Variants in ADAMTSL3 observed in about 807,000 individuals in gnomAD.
The protein encoded by ADAMTSL3 is ADAMTS like 3.
A neutral mutation model predicts 201.7 loss-of-function variants in ADAMTSL3; 128 were observed. The ratio of observed to expected loss-of-function variants is 0.63; its 90% CI spans 0.55 to 0.73. The LOEUF (loss-of-function observed/expected upper bound fraction) is 0.73. Among genes scored for constraint, ADAMTSL3 ranks in the 30% least tolerant of loss-of-function variants. The pLI, the probability that ADAMTSL3 is intolerant of heterozygous loss-of-function variation, is 0.00. For missense variants in ADAMTSL3, 1,990 were observed against 2,119.6 expected (o/e 0.94, Z 1.20); for synonymous variants, 738 against 748.4 (o/e 0.99, Z 0.23).
At chr15:83,698,371 A>G (rs545356912) in intron 2 of ADAMTSL3, among the ~76,000 whole-genome samples, 1 of 152,220 alleles carries the variant, frequency 6.6e-6, no homozygotes, top group East Asian at 1.9e-4. Flanking sequence ...ACACAGCTGT[A>G]TCCCCACGTC....
In ADAMTSL3 at chr15:83,930,538, C is replaced by G. The variant is rs369257104; in HGVS notation, c.2117+6505C>G. 1.8e-4 allele frequency among the ~76,000 whole-genome samples: 27 copies of G among 152,316 alleles called. No homozygotes were observed. The East Asian group carries it at 4.8e-3, about 27-fold the overall frequency. On this transcript the variant is annotated intron_variant, in intron 17 of 29. Transcript: ENST00000286744. Reference sequence around the variant, plus strand: ...TCAGCCTGTGTACTGTATCCCCTTTCTCTCATCACTGTGCCTCAGCAAGAG... The same window carrying G: ...TCAGCCTGTGTACTGTATCCCCTTTGTCTCATCACTGTGCCTCAGCAAGAG...
At chr15:83,955,579 G>A (rs1480736674) in intron 19 of ADAMTSL3, among the ~76,000 whole-genome samples, 1 of 152,026 alleles carries the variant, frequency 6.6e-6, no homozygotes, top group East Asian at 1.9e-4. Flanking sequence ...CATACTACCT[G>A]GATATCACTT....
chr15:83,728,973 G>C (rs11635064), intron 3 of ADAMTSL3, among the ~76,000 whole-genome samples: 19,350 of 151,988 alleles, frequency 0.13, 1,591 homozygotes, highest in South Asian at 0.29. Flanking sequence ...TGTTTGTCTG[G>C]GAAAGTCCTT....
chr15:83,991,324 G>A (rs904801499), intron 23 of ADAMTSL3, 110 bp downstream of exon 23: 4 of 1,497,440 alleles, frequency 2.7e-6, no homozygotes, highest in Non-Finnish European at 2.7e-6. Context: ...ACCTCAGCCT[G>A]ATAGGCTTAA....
At chr15:83,866,946 C>G (rs1437367723) in intron 8 of ADAMTSL3, among the ~76,000 whole-genome samples, 1 of 152,146 alleles carries the variant, frequency 6.6e-6, no homozygotes, top group Non-Finnish European at 1.5e-5. Flanking sequence ...TCTGAACAAT[C>G]TCACAATTGG....
chr15:83,798,579 G>A (rs1225749583), intron 4 of ADAMTSL3, among the ~76,000 whole-genome samples: 4 of 152,046 alleles, frequency 2.6e-5, no homozygotes, highest in African/African-American at 4.8e-5. Context: ...AGGCCGAGGC[G>A]GGCGGATCAC....
intron 8 of ADAMTSL3, among the ~76,000 whole-genome samples, chr15:83,868,967 C>G (rs1161032612): frequency 6.6e-6 from 1 of 152,070 alleles, no homozygotes; most frequent in Non-Finnish European, 1.5e-5. Context: ...ATTTTTACAC[C>G]CCTTGCCCCA....
intron 16 of ADAMTSL3, among the ~76,000 whole-genome samples, chr15:83,916,996 T>C (rs1340076743): frequency 6.6e-6 from 1 of 152,230 alleles, no homozygotes; most frequent in Non-Finnish European, 1.5e-5. Context: ...TATTTCAACG[T>C]GGTTCAGTAA....
chr15:83,831,634 T>C (rs2064159021), intron 6 of ADAMTSL3, among the ~76,000 whole-genome samples: 1 of 151,508 alleles, frequency 6.6e-6, no homozygotes, highest in South Asian at 2.1e-4. Flanking sequence ...GCTCAAGTGA[T>C]TCTCCCATCT....
intron 8 of ADAMTSL3, among the ~76,000 whole-genome samples, chr15:83,860,871 C>T (rs1451503573): frequency 6.6e-6 from 1 of 152,132 alleles, no homozygotes; most frequent in Non-Finnish European, 1.5e-5. Flanking sequence ...GGCAAGGCAT[C>T]GCGTCACCCG....
At chr15:83,704,601 T>G in intron 3 of ADAMTSL3, 93 bp downstream of exon 3, 1 of 1,525,628 alleles carries the variant, frequency 6.6e-7, no homozygotes, top group Non-Finnish European at 8.9e-7. Flanking sequence ...AATTATATTT[T>G]CCTCTTTGCA....
intron 15 of ADAMTSL3, among the ~76,000 whole-genome samples, chr15:83,909,592 A>C (rs964729717): frequency 1.3e-5 from 2 of 152,028 alleles, no homozygotes. Context: ...TGTCTATTTA[A>C]AGTGCACCAT....
chr15:83,720,431 T>C (rs2062084705), intron 3 of ADAMTSL3, among the ~76,000 whole-genome samples: 1 of 152,196 alleles, frequency 6.6e-6, no homozygotes, highest in Admixed American at 6.5e-5. Context: ...AAATAAGATA[T>C]ATAATCATAT....
intron 3 of ADAMTSL3, among the ~76,000 whole-genome samples, chr15:83,729,479 A>G (rs2062231770): frequency 6.6e-6 from 1 of 151,826 alleles, no homozygotes; most frequent in Non-Finnish European, 1.5e-5. Flanking sequence ...GTATTTTCAA[A>G]TAGCCTGTCT....
At chr15:83,803,497 C>T (rs187229134) in intron 4 of ADAMTSL3, among the ~76,000 whole-genome samples, 5 of 152,166 alleles carry the variant, frequency 3.3e-5, no homozygotes, top group African/African-American at 1.2e-4. Context: ...GCTTTCCTGG[C>T]TCCAAATTTG....
intron 5 of ADAMTSL3, among the ~76,000 whole-genome samples, chr15:83,810,690 T>C (rs2063679529): frequency 6.6e-6 from 1 of 152,206 alleles, no homozygotes; most frequent in Non-Finnish European, 1.5e-5. Context: ...TGATTCCTTC[T>C]TCAGTCTTCA....
At chr15:84,001,452 G>C (rs942609633) in intron 23 of ADAMTSL3, among the ~76,000 whole-genome samples, 12 of 152,210 alleles carry the variant, frequency 7.9e-5, no homozygotes, top group African/African-American at 2.9e-4. Flanking sequence ...TTGCAGATAA[G>C]GAAGCAAACT....
chr15:83,797,584 G>C (rs550260947), intron 4 of ADAMTSL3, among the ~76,000 whole-genome samples: 2 of 152,042 alleles, frequency 1.3e-5, no homozygotes, highest in Admixed American at 1.3e-4. Flanking sequence ...CTATGTGAGA[G>C]AGCAAAACTC....
At chr15:83,959,311 C>T (rs1300394384) in intron 19 of ADAMTSL3, among the ~76,000 whole-genome samples, 1 of 152,154 alleles carries the variant, frequency 6.6e-6, no homozygotes, top group Admixed American at 6.6e-5. Flanking sequence ...CTCCTGTAAT[C>T]TCAGTTACTC....
Sources: gnomAD v4.1 joint callset for allele counts (sites outside exome capture counted in the v4.1 genomes callset) on GRCh38, gnomAD v4.1.1 for gene constraint, MANE v1.5 for transcripts, NCBI Gene and HGNC (gene_info 2026-07-23, HGNC 2026-07-21) for gene names.